ARMC2: variants seen among roughly 807,000 people sequenced by gnomAD.
ARMC2 encodes the protein armadillo repeat containing 2, also known as armadillo repeat-containing protein 2.
ARMC2 carries 67 observed loss-of-function variants against 90.3 expected under a neutral mutation model. That is an observed-to-expected ratio of 0.74 (90% CI 0.61 to 0.91). The LOEUF (loss-of-function observed/expected upper bound fraction) is 0.91. ARMC2 is among the 40% of genes least tolerant of loss of function. The pLI, the probability that ARMC2 is intolerant of heterozygous loss-of-function variation, is 0.00. For missense variants in ARMC2, 920 were observed against 1,030.9 expected (o/e 0.89, Z 1.47); for synonymous variants, 393 against 393.0 (o/e 1.00, Z 0.00).
intron 5 of ARMC2, chr6:108,880,163 G>A: frequency 2.8e-6 from 1 of 356,976 alleles, no homozygotes; most frequent in Non-Finnish European, 5.4e-6. Flanking sequence ...ACAACATGAA[G>A]CAAACTTTAC....
chr6:108,879,586 C>G (rs1777313138), intron 5 of ARMC2, among the ~76,000 whole-genome samples: 1 of 141,794 alleles, frequency 7.1e-6, no homozygotes, highest in African/African-American at 2.6e-5. Flanking sequence ...ATTCACCCAC[C>G]TGTTCGTCCA....
chr6:108,878,002 G>A (rs1777103541), intron 5 of ARMC2, among the ~76,000 whole-genome samples: 2 of 152,136 alleles, frequency 1.3e-5, no homozygotes, highest in South Asian at 2.1e-4. Flanking sequence ...CCCTGGCAAG[G>A]TTAACTTTCA....
At chr6:109,014,847 C>T in the ARMC2 span, among the ~76,000 whole-genome samples, 95 of 152,204 alleles carry the variant, frequency 6.2e-4, no homozygotes, top group African/African-American at 2.2e-3. Flanking sequence ...AAAAGTGGTA[C>T]GTTTTAGGAA....
chr6:108,970,219 A>T (rs1439715367), intron 17 of ARMC2, among the ~76,000 whole-genome samples: 1 of 152,138 alleles, frequency 6.6e-6, no homozygotes, highest in Non-Finnish European at 1.5e-5. Flanking sequence ...TATTCTTGTT[A>T]TCTTGTCTAA....
At chr6:108,862,344 AAAAAAAAAAAAAAAC>A (rs1455195284) in intron 3 of ARMC2, among the ~76,000 whole-genome samples, 38 of 137,084 alleles carry the variant, frequency 2.8e-4, no homozygotes, top group Non-Finnish European at 5.3e-4. Flanking sequence ...ACTCATCTCA[AAAAAAAAAAAAAAAC>A]AAAAAAAACA....
chr6:108,936,814 G>A, intron 11 of ARMC2, 86 bp from the exon 12 acceptor site: 1 of 1,064,052 alleles, frequency 9.4e-7, no homozygotes, highest in Non-Finnish European at 1.4e-6. Flanking sequence ...TGTTTTGAAG[G>A]TCTGCATTTA....
intron 17 of ARMC2, among the ~76,000 whole-genome samples, chr6:108,969,268 C>A (rs1047596564): frequency 1.3e-5 from 2 of 152,052 alleles, no homozygotes; most frequent in Admixed American, 1.3e-4. Context: ...ATGGTCAGGG[C>A]GATGATAAAT....
At chr6:108,994,162 A>G in the ARMC2 span, among the ~76,000 whole-genome samples, 15 of 150,392 alleles carry the variant, frequency 1.0e-4, no homozygotes, top group Admixed American at 5.3e-4. Context: ...AAAAAAAAAA[A>G]AGAGAAAAAA....
chr6:108,962,249 G>A lies in ARMC2; in HGVS notation c.2152+122G>A, dbSNP rs115818428. The A allele has an allele frequency of 1.7e-3, 1,422 of 839,402 alleles. 10 individuals are homozygous for A. The African/African-American group carries it at 0.022, about 13-fold the overall frequency. 52.0% of individuals were successfully genotyped at this position (839,402 alleles called of 1,614,324 possible). A position where few individuals can be genotyped will look rare whatever the true frequency, so the allele number is the denominator to read the frequency against. On this transcript the variant is annotated intron_variant, in intron 15 of 17. Transcript: ENST00000392644. ...TCCGTTTTGAGATTTGTAAAGCTTCGTGTTTAAGGCTCCTGGCTCAGGATG... is the reference window on the plus strand; with the variant it reads ...TCCGTTTTGAGATTTGTAAAGCTTCATGTTTAAGGCTCCTGGCTCAGGATG...
intron 10 of ARMC2, among the ~76,000 whole-genome samples, chr6:108,917,483 G>A (rs1193623650): frequency 6.6e-6 from 1 of 152,102 alleles, no homozygotes; most frequent in Non-Finnish European, 1.5e-5. Flanking sequence ...GGAACAAAGA[G>A]AGCTGACTCA....
At chr6:108,859,391 A>G (rs1774983586) in intron 3 of ARMC2, among the ~76,000 whole-genome samples, 1 of 151,898 alleles carries the variant, frequency 6.6e-6, no homozygotes. Flanking sequence ...TTTACTGTGG[A>G]TTTGGTAGAG....
chr6:108,946,970 TG>T (rs754712561), intron 12 of ARMC2, among the ~76,000 whole-genome samples: 2 of 152,166 alleles, frequency 1.3e-5, no homozygotes, highest in Non-Finnish European at 2.9e-5. Flanking sequence ...AGTGGTTGCG[TG>T]GGGCCAGATG....
At chr6:108,992,176 G>A in the ARMC2 span, among the ~76,000 whole-genome samples, 2 of 152,112 alleles carry the variant, frequency 1.3e-5, no homozygotes, top group Non-Finnish European at 1.5e-5. Context: ...ACAACTCACC[G>A]CAGCCTCAAC....
At chr6:108,854,130 T>C in intron 1 of ARMC2, 95 bp from the exon 2 acceptor site, 1 of 628,654 alleles carries the variant, frequency 1.6e-6, no homozygotes, top group Non-Finnish European at 2.7e-6. Flanking sequence ...AAGCTTAATA[T>C]AGAGGAATGA....
At position 108,936,959 on chromosome 6, in the gene ARMC2, C is replaced by A; in HGVS notation, c.1556C>A (p.Ala519Asp). 1 of 1,602,668 alleles carries A rather than the reference C, an allele frequency of 6.2e-7. No individual in the cohort carries two copies. Among genetic ancestry groups the A allele is most frequent in the Non-Finnish European group, 8.5e-7 (1 of 1,174,004 alleles). ...TALASYSRCY[A>D]LFLNLINKYQ... ...TTGGCCAGCTATTCCAGATGTTATG[C>A]CTTATTTCTGAATCTAATTAACAAA... The change falls in exon 12 of 18, where the codon GCC becomes GAC. Residue 519 changes from alanine to aspartate, a missense_variant. Physicochemically the swap from Ala to Asp is moderately radical, Grantham distance 126 (BLOSUM62 -2). Coordinates refer to ENST00000392644, the MANE Select transcript of ARMC2 (RefSeq NM_032131.6).
intron 4 of ARMC2, among the ~76,000 whole-genome samples, chr6:108,875,073 C>T (rs1776804496): frequency 6.6e-6 from 1 of 152,136 alleles, no homozygotes; most frequent in South Asian, 2.1e-4. Flanking sequence ...CACCCCCGCA[C>T]ACTGTATTAT....
At chr6:108,916,744 C>T (rs988533665) in intron 10 of ARMC2, among the ~76,000 whole-genome samples, 3 of 152,150 alleles carry the variant, frequency 2.0e-5, no homozygotes, top group Admixed American at 6.6e-5. Flanking sequence ...TGTTAGGGTT[C>T]GTCTGTGACC....
intron 12 of ARMC2, among the ~76,000 whole-genome samples, chr6:108,948,657 C>G (rs1215725289): frequency 6.6e-6 from 1 of 151,642 alleles, no homozygotes; most frequent in Non-Finnish European, 1.5e-5. Context: ...AGTGTTAACT[C>G]TTCCTGCCCT....
intron 3 of ARMC2, among the ~76,000 whole-genome samples, chr6:108,862,342 CAA>C (rs71551359): frequency 2.7e-4 from 10 of 36,610 alleles, no homozygotes; most frequent in African/African-American, 1.1e-3. Flanking sequence ...AGACTCATCT[CAA>C]AAAAAAAAAA....
Sources: allele counts gnomAD v4.1 joint callset (sites outside exome capture counted in the v4.1 genomes callset), GRCh38; gene constraint gnomAD v4.1.1; transcripts MANE v1.5; gene names NCBI Gene and HGNC (gene_info 2026-07-23, HGNC 2026-07-21).